Variants in SAG observed in about 807,000 individuals in gnomAD.
SAG encodes the protein S-antigen visual arrestin.
A neutral mutation model predicts 55.0 loss-of-function variants in SAG; 45 were observed. The ratio of observed to expected loss-of-function variants is 0.82; its 90% CI spans 0.64 to 1.05. The LOEUF (loss-of-function observed/expected upper bound fraction) is 1.05. Among genes scored for constraint, SAG ranks in the 50% least tolerant of loss-of-function variants. The probability of loss-of-function intolerance (pLI) is 0.00; values close to 1 mark genes in which losing one functional copy is unlikely to be tolerated. For missense variants in SAG, 455 were observed against 512.1 expected, an observed-to-expected ratio of 0.89 and a Z score of 1.08; for synonymous variants, 189 against 197.4, an observed-to-expected ratio of 0.96 and a Z score of 0.36.
chr2:233,340,439 T>C lies in SAG; in HGVS notation c.1023-16T>C. 1 of 1,609,856 alleles carries C rather than the reference T, an allele frequency of 6.2e-7. No individual in the cohort carries two copies. The highest frequency in any genetic ancestry group is 8.5e-7 in the Non-Finnish European group (1 of 1,177,548). On this transcript the variant is annotated splice_polypyrimidine_tract_variant and intron_variant, in intron 12 of 15. Transcript: ENST00000409110. The surrounding 1 kb of genome is among the most constrained non-coding windows in gnomAD (Gnocchi z 4.2). ...ACTGTGACAGTTAACGACAGGCGTTTGTTTGTGTTTTCTAGCTTTCTGGGA... is the reference window on the plus strand; with the variant it reads ...ACTGTGACAGTTAACGACAGGCGTTCGTTTGTGTTTTCTAGCTTTCTGGGA...
At position 233,318,128 on chromosome 2, in the gene SAG, C is replaced by T. The variant is rs149253134; in HGVS notation, c.137-623C>T. On this transcript the variant is annotated intron_variant, in intron 3 of 15. Coordinates refer to ENST00000409110, the MANE Select transcript of SAG (RefSeq NM_000541.5). ...AGCTGGGACCACAGGCATGCACCAC[C>T]GCACCTGGCCCATGCCCTGCTAACT... 3.9e-4 allele frequency among the ~76,000 whole-genome samples: 59 copies of T among 152,108 alleles called. No individual in the cohort carries two copies. The East Asian group carries it at 9.7e-3, about 25-fold the overall frequency.
At chr2:233,337,442 T>C (rs970279107) in intron 11 of SAG, among the ~76,000 whole-genome samples, 1 of 152,176 alleles carries the variant, frequency 6.6e-6, no homozygotes, top group African/African-American at 2.4e-5. Flanking sequence ...TTCGCCATGT[T>C]GTCCAGGCTG....
At chr2:233,326,266 C>G (rs1700553002) in intron 6 of SAG, among the ~76,000 whole-genome samples, 3 of 152,294 alleles carry the variant, frequency 2.0e-5, no homozygotes, top group African/African-American at 7.2e-5. Flanking sequence ...AGATTTCACT[C>G]CAAATTCCAC....
In SAG at chr2:233,343,569, CTG is replaced by C. The variant is rs1701169401; in HGVS notation, c.1102+1246_1102+1247del. 3 of 686,026 alleles carry C rather than the reference CTG, an allele frequency of 4.4e-6. No individual in the cohort carries two copies. The African/African-American group carries it at 5.8e-5, about 13-fold the overall frequency. The allele number at this position is 686,026 out of a possible 1,614,324, so 42.5% of individuals were successfully genotyped here. Reference sequence around the variant, plus strand: ...CATATAAAAACCACTAGACTGTCGACTGTGAAAAGGTAAATTGTATGATATAT... The same window carrying C: ...CATATAAAAACCACTAGACTGTCGACTGAAAAGGTAAATTGTATGATATAT... On this transcript the variant is annotated intron_variant, in intron 14 of 15. Coordinates refer to ENST00000409110, the MANE Select transcript of SAG (RefSeq NM_000541.5).
At chr2:233,317,168 T>G (rs745373417) in intron 3 of SAG, among the ~76,000 whole-genome samples, 2 of 152,210 alleles carry the variant, frequency 1.3e-5, no homozygotes, top group Non-Finnish European at 2.9e-5. Context: ...AGCAGCAGCT[T>G]CTTAAAACAT....
chr2:233,318,038 G>GTCACAGC (rs1222089883), intron 3 of SAG, among the ~76,000 whole-genome samples: 3 of 151,724 alleles, frequency 2.0e-5, no homozygotes, highest in African/African-American at 7.3e-5. Flanking sequence ...CAGTGGCACA[G>GTCACAGC]TCACAGCTCA....
In SAG at chr2:233,342,268, T is replaced by C; in HGVS notation, c.1047-3T>C. On this transcript the variant is annotated splice_polypyrimidine_tract_variant and splice_region_variant and intron_variant, in intron 13 of 15. Transcript: ENST00000409110. ...CACACCAATCTTCATTCTTTTTTTC[T>C]AGTGAAGTCGCCACTGAGGTCCCAT... 1 of 1,603,310 alleles carries C rather than the reference T, an allele frequency of 6.2e-7. No homozygotes were observed. The highest frequency in any genetic ancestry group is 8.5e-7 in the Non-Finnish European group (1 of 1,174,040).
chr2:233,341,294 C>A (rs911437242), intron 13 of SAG, among the ~76,000 whole-genome samples: 2 of 152,160 alleles, frequency 1.3e-5, no homozygotes, highest in African/African-American at 2.4e-5. Flanking sequence ...CAGGTGCACG[C>A]CACTATGCCC....
chr2:233,325,791 G>GAGC (rs1476069850), intron 6 of SAG, among the ~76,000 whole-genome samples: 4 of 152,230 alleles, frequency 2.6e-5, no homozygotes, highest in African/African-American at 9.6e-5. Context: ...GGTGCGCCCT[G>GAGC]AGCCCAGGGA....
intron 2 of SAG, among the ~76,000 whole-genome samples, chr2:233,314,910 G>A (rs886360217): frequency 4.6e-5 from 7 of 152,078 alleles, no homozygotes; most frequent in African/African-American, 1.4e-4. Flanking sequence ...CAGCCAAGGG[G>A]GCCACACTCA....
intron 9 of SAG, among the ~76,000 whole-genome samples, chr2:233,330,828 G>A (rs1351851460): frequency 7.9e-5 from 12 of 152,110 alleles, no homozygotes; most frequent in Non-Finnish European, 1.3e-4. Context: ...CACTGCACCC[G>A]GATAGCTGTT....
chr2:233,318,999 T>A (rs1268325876), intron 4 of SAG: 1 of 713,162 alleles, frequency 1.4e-6, no homozygotes, highest in Non-Finnish European at 2.6e-6. Flanking sequence ...CAGAGCTCAC[T>A]CGCTCAGCAA....
chr2:233,312,188 G>A lies in SAG; in HGVS notation c.75+2924G>A, dbSNP rs774070231. Among the ~76,000 whole-genome samples, 11 of 152,022 alleles carry A rather than the reference G, an allele frequency of 7.2e-5. No individual in the cohort carries two copies. In the South Asian group the frequency reaches 1.0e-3, roughly 14 times the overall value. ...TTAAGAACAACCACCAACTACCCTC[G>A]ACCCTATATCCTTTCTAGTTCTTCT... On this transcript the variant is annotated intron_variant, in intron 2 of 15. Coordinates refer to ENST00000409110, the MANE Select transcript of SAG (RefSeq NM_000541.5).
In SAG at chr2:233,314,221, C is replaced by CAA. The variant is rs59624953; in HGVS notation, c.76-1840_76-1839dup. ...TGGGCGACAGAATGAGACCTTGTCTCAAAAAAAAAAAAAAATTACAAGAAA... is the reference window on the plus strand; with the variant it reads ...TGGGCGACAGAATGAGACCTTGTCTCAAAAAAAAAAAAAAAAATTACAAGAAA... On this transcript the variant is annotated intron_variant, in intron 2 of 15. Coordinates refer to ENST00000409110, the MANE Select transcript of SAG (RefSeq NM_000541.5). Among the ~76,000 whole-genome samples the CAA allele has an allele frequency of 3.2e-3, 422 of 133,632 alleles. 3 individuals are homozygous for CAA. The highest frequency in any genetic ancestry group is 0.01 in the African/African-American group (384 of 37,342). The allele number at this position is 133,632 out of a possible 152,430, so 87.7% of individuals were successfully genotyped here.
chr2:233,313,130 G>A (rs184769054), intron 2 of SAG, among the ~76,000 whole-genome samples: 12 of 152,322 alleles, frequency 7.9e-5, no homozygotes, highest in Non-Finnish European at 1.5e-4. Context: ...CTGAGGTGTG[G>A]TCGCAGGCCA....
intron 8 of SAG, chr2:233,328,979 C>T (rs990209390): frequency 2.6e-5 from 6 of 234,036 alleles, no homozygotes; most frequent in Non-Finnish European, 4.9e-5. Context: ...TCTTCACTTC[C>T]TGGGAAATTT....
chr2:233,320,862 G>A lies in SAG; in HGVS notation c.375+39G>A, dbSNP rs537152671. 63 of 1,511,230 alleles carry A rather than the reference G, an allele frequency of 4.2e-5. No homozygotes were observed. The South Asian group carries it at 4.4e-4, about 11-fold the overall frequency. 93.6% of individuals were successfully genotyped at this position (1,511,230 alleles called of 1,614,324 possible). A position where few individuals can be genotyped will look rare whatever the true frequency, so the allele number is the denominator to read the frequency against. ...CCGGCCAGCCCTGCTTCCTTCACCC[G>A]CAGCACCTTATCATGTGGATGGGGG... is the stretch of plus-strand genomic sequence containing the variant. On this transcript the variant is annotated intron_variant, in intron 5 of 15. Coordinates refer to ENST00000409110, the MANE Select transcript of SAG (RefSeq NM_000541.5).
At position 233,345,796 on chromosome 2, in the gene SAG, CT is replaced by C. The variant is rs1574959779; in HGVS notation, c.1103-606del. On this transcript the variant is annotated intron_variant, in intron 14 of 15. Coordinates refer to ENST00000409110, the MANE Select transcript of SAG (RefSeq NM_000541.5). ...CAGGGAAAGCATCCTAGAGTTGAGA[CT>C]GGGGGGGTTTCATGTGAGGAGGTGA... The C allele has an allele frequency of 2.0e-5, 3 of 152,610 alleles. No individual in the cohort carries two copies. The East Asian group carries it at 5.8e-4, about 29-fold the overall frequency. 9.5% of individuals were successfully genotyped at this position (152,610 alleles called of 1,614,324 possible). A position where few individuals can be genotyped will look rare whatever the true frequency, so the allele number is the denominator to read the frequency against.
intron 5 of SAG, among the ~76,000 whole-genome samples, 159 bp from the exon 6 acceptor site, chr2:233,322,787 T>C (rs934192960): frequency 4.6e-5 from 7 of 152,238 alleles, no homozygotes; most frequent in African/African-American, 1.2e-4. Context: ...GGGAAGGTTA[T>C]GTTAGCAATA....
Sources: allele counts gnomAD v4.1 joint callset (sites outside exome capture counted in the v4.1 genomes callset), GRCh38; gene constraint gnomAD v4.1.1; non-coding constraint Gnocchi (gnomAD v3.1); transcripts MANE v1.5; gene names NCBI Gene and HGNC (gene_info 2026-07-23, HGNC 2026-07-21).